HSPA4L: variants seen among roughly 807,000 people sequenced by gnomAD.
HSPA4L encodes heat shock 70 kDa protein 4L.
HSPA4L carries 48 observed loss-of-function variants against 100.3 expected under a neutral mutation model. The ratio of observed to expected loss-of-function variants is 0.48; its 90% CI spans 0.38 to 0.61. The LOEUF is 0.61. Ranked by LOEUF, HSPA4L falls within the 20% of genes least tolerant of loss-of-function variation. The pLI, the probability that HSPA4L is intolerant of heterozygous loss-of-function variation, is 0.00. For synonymous variants in HSPA4L, 319 were observed against 328.2 expected, an observed-to-expected ratio of 0.97 and a Z score of 0.30; for missense variants, 886 against 988.6, an observed-to-expected ratio of 0.90 and a Z score of 1.39.
At chr4:127,811,721 A>T (rs1449611803) in intron 12 of HSPA4L, 85 bp downstream of exon 12, 1 of 956,906 alleles carries the variant, frequency 1.0e-6, no homozygotes, top group Non-Finnish European at 1.6e-6. Context: ...TAATAGTTGA[A>T]TACATTACTC....
intron 13 of HSPA4L, among the ~76,000 whole-genome samples, chr4:127,818,699 A>T (rs775163844): frequency 6.6e-6 from 1 of 151,990 alleles, no homozygotes; most frequent in Non-Finnish European, 1.5e-5. Flanking sequence ...ACACGGACAC[A>T]TAGAGGGGAA....
intron 12 of HSPA4L, among the ~76,000 whole-genome samples, chr4:127,811,907 C>A (rs1413282420): frequency 6.6e-6 from 1 of 152,192 alleles, no homozygotes; most frequent in Non-Finnish European, 1.5e-5. Flanking sequence ...GGAATTCTTT[C>A]CTAAGTTCTT....
intron 12 of HSPA4L, chr4:127,813,171 G>A (rs545197732): frequency 1.4e-4 from 203 of 1,435,256 alleles, no homozygotes; most frequent in Non-Finnish European, 1.8e-4. Flanking sequence ...TATATCGGGT[G>A]CCTCTCCTCT....
intron 8 of HSPA4L, among the ~76,000 whole-genome samples, chr4:127,804,363 T>A (rs2148786204): frequency 6.6e-6 from 1 of 152,084 alleles, no homozygotes; most frequent in South Asian, 2.1e-4. Context: ...CCCAGCACTT[T>A]GGGAGGCCGA....
intron 14 of HSPA4L, among the ~76,000 whole-genome samples, chr4:127,821,856 G>T (rs1733821652): frequency 6.6e-6 from 1 of 152,088 alleles, no homozygotes; most frequent in South Asian, 2.1e-4. Flanking sequence ...ATGTTTAGAT[G>T]ATTTTCCTGC....
At chr4:127,797,884 A>G (rs11935472) in intron 3 of HSPA4L, among the ~76,000 whole-genome samples, 12,337 of 152,190 alleles carry the variant, frequency 0.081, 976 homozygotes, top group East Asian at 0.26. Flanking sequence ...TACATAGAAT[A>G]TTCTTATACA....
Position 127,801,127 on chromosome 4 carries a change from T to C in HSPA4L, c.430-11T>C, listed in dbSNP as rs777903623. ...AAAACATTATACTTAACTGTTGTTTTTAAATACTAGATTCCTAGCTTTTTT... is the reference window on the plus strand; with the variant it reads ...AAAACATTATACTTAACTGTTGTTTCTAAATACTAGATTCCTAGCTTTTTT... On this transcript the variant is annotated splice_polypyrimidine_tract_variant and intron_variant, in intron 4 of 18. Coordinates refer to ENST00000296464, the MANE Select transcript of HSPA4L (RefSeq NM_014278.4). The C allele has an allele frequency of 1.3e-5, 21 of 1,592,660 alleles. No homozygotes were observed. Among genetic ancestry groups the C allele is most frequent in the Non-Finnish European group, 8.6e-7 (1 of 1,167,416 alleles).
rs779407440 is a variant in HSPA4L, at chr4:127,801,749, G to A, written c.530-36G>A. The A allele has an allele frequency of 2.1e-5, 33 of 1,546,594 alleles. 1 individual carries two copies. The South Asian group carries it at 3.8e-4, about 18-fold the overall frequency. ...ATTTCTTGTTTTCCAAGTAATTACT[G>A]TGCTAGAATTAACATAATTCTTTGT... On this transcript the variant is annotated intron_variant, in intron 5 of 18. Transcript: ENST00000296464.
At chr4:127,802,229 C>T (rs926726974) in intron 6 of HSPA4L, among the ~76,000 whole-genome samples, 2 of 152,166 alleles carry the variant, frequency 1.3e-5, no homozygotes, top group Non-Finnish European at 2.9e-5. Flanking sequence ...TATCAGGAAG[C>T]ATAAATTATT....
intron 1 of HSPA4L, among the ~76,000 whole-genome samples, chr4:127,791,057 C>T (rs983116037): frequency 5.9e-5 from 9 of 151,822 alleles, no homozygotes; most frequent in Admixed American, 3.3e-4. Flanking sequence ...GCCAAGATTA[C>T]GCCACTGCAC....
chr4:127,810,623 G>A (rs1420280604), intron 11 of HSPA4L, among the ~76,000 whole-genome samples: 2 of 152,014 alleles, frequency 1.3e-5, no homozygotes, highest in Admixed American at 6.6e-5. Context: ...GCTAGACATG[G>A]TACCATGCAC....
chr4:127,805,632 C>G, intron 9 of HSPA4L, 55 bp from the exon 10 acceptor site: 2 of 1,308,496 alleles, frequency 1.5e-6, no homozygotes, highest in Admixed American at 3.4e-5. Context: ...ATCAGAGTAA[C>G]CTAGGGTATG....
chr4:127,818,446 T>C (rs762642505), intron 13 of HSPA4L, 26 bp downstream of exon 13: 15 of 1,404,434 alleles, frequency 1.1e-5, no homozygotes, highest in East Asian at 2.3e-5. Flanking sequence ...TCTGTAGTTA[T>C]GTCTTTTTGA....
At position 127,836,346 on chromosome 4, in the gene HSPA4L, A is replaced by G. The variant is rs532316265; in HGVS notation, c.*3472A>G. The G allele has an allele frequency of 7.7e-4, 122 of 158,862 alleles. No homozygotes were observed. The highest frequency in any genetic ancestry group is 2.5e-3 in the African/African-American group (106 of 41,700). 9.8% of individuals were successfully genotyped at this position (158,862 alleles called of 1,614,324 possible). On this transcript the variant is annotated 3_prime_UTR_variant, in exon 19 of 19. Coordinates refer to ENST00000296464, the MANE Select transcript of HSPA4L (RefSeq NM_014278.4). ...CGCGCCACTGCACTCCAGCCTGGGC[A>G]ACAGAGCAAGACTCCATCTCAAAAA...
intron 13 of HSPA4L, among the ~76,000 whole-genome samples, chr4:127,819,503 T>C (rs1218814275): frequency 6.6e-6 from 1 of 152,234 alleles, no homozygotes; most frequent in African/African-American, 2.4e-5. Context: ...TATTGAGATA[T>C]AGTTTACATG....
rs1326746716 is a variant in HSPA4L at position 127,837,634 on chromosome 4, C to G, written c.*4760C>G. The G allele has an allele frequency of 6.6e-6, 1 of 152,070 alleles. No individual in the cohort carries two copies. Among genetic ancestry groups the G allele is most frequent in the Non-Finnish European group, 1.5e-5 (1 of 68,018 alleles). The allele number at this position is 152,070 out of a possible 1,614,324, so 9.4% of individuals were successfully genotyped here. ...GTTTTTGCCCAACATTTGATTTAATCTAAAGCAAGAATATAAAATAATTTT... is the reference window on the plus strand; with the variant it reads ...GTTTTTGCCCAACATTTGATTTAATGTAAAGCAAGAATATAAAATAATTTT... On this transcript the variant is annotated 3_prime_UTR_variant, in exon 19 of 19. Transcript: ENST00000296464.
intron 12 of HSPA4L, among the ~76,000 whole-genome samples, chr4:127,814,028 C>G (rs747981950): frequency 2.6e-5 from 4 of 152,216 alleles, no homozygotes; most frequent in Middle Eastern, 3.4e-3. Context: ...GAAAATACAA[C>G]AAGAATATTA....
Position 127,812,421 on chromosome 4 carries a change from C to CA in HSPA4L, c.1578+796dup, listed in dbSNP as rs79816485. 2.1e-3 allele frequency among the ~76,000 whole-genome samples: 275 copies of CA among 131,326 alleles called. 1 individual carries two copies. The highest frequency in any genetic ancestry group is 0.012 in the Middle Eastern group (3 of 254). The allele number at this position is 131,326 out of a possible 152,430, so 86.2% of individuals were successfully genotyped here. A position where few individuals can be genotyped will look rare whatever the true frequency, so the allele number is the denominator to read the frequency against. On this transcript the variant is annotated intron_variant, in intron 12 of 18. Coordinates refer to ENST00000296464, the MANE Select transcript of HSPA4L (RefSeq NM_014278.4). Reference sequence around the variant, plus strand: ...GAGACTCCATCTCAAAAAAAAAAAACAAAAAAAAAAACAGATTTTTTAACT... The same window carrying CA: ...GAGACTCCATCTCAAAAAAAAAAAACAAAAAAAAAAAACAGATTTTTTAACT...
intron 9 of HSPA4L, 135 bp from the exon 10 acceptor site, chr4:127,805,549 ACTT>A (rs1389161585): frequency 2.4e-5 from 14 of 594,154 alleles, no homozygotes; most frequent in Non-Finnish European, 3.9e-5. Context: ...TTAAATTTTC[ACTT>A]CTCATTGCCA....
Sources: gnomAD v4.1 joint callset for allele counts (sites outside exome capture counted in the v4.1 genomes callset) on GRCh38, gnomAD v4.1.1 for gene constraint, MANE v1.5 for transcripts, NCBI Gene and HGNC (gene_info 2026-07-23, HGNC 2026-07-21) for gene names.